TSGA10: variants seen among roughly 807,000 people sequenced by gnomAD.
TSGA10 encodes the protein testis-specific gene 10 protein.
A neutral mutation model predicts 96.6 loss-of-function variants in TSGA10; 43 were observed. That is an observed-to-expected ratio of 0.44 (90% CI 0.35 to 0.57). The LOEUF is 0.57. TSGA10 is among the 20% of genes least tolerant of loss of function. The pLI is 0.01. For synonymous variants in TSGA10, 229 were observed against 269.9 expected (o/e 0.85, Z 1.48); for missense variants, 703 against 834.4 (o/e 0.84, Z 1.94).
At chr2:99,143,590 C>T (rs1332159145) in intron 1 of TSGA10, among the ~76,000 whole-genome samples, 6 of 152,062 alleles carry the variant, frequency 3.9e-5, no homozygotes, top group African/African-American at 1.4e-4. Context: ...CCTGCCTTAG[C>T]CCCTTGAGTA....
chr2:99,075,326 C>T (rs572507247), intron 12 of TSGA10, among the ~76,000 whole-genome samples: 1 of 152,226 alleles, frequency 6.6e-6, no homozygotes, highest in South Asian at 2.1e-4. Flanking sequence ...TGTCAAAATT[C>T]AGTCTGGACA....
intron 2 of TSGA10, among the ~76,000 whole-genome samples, chr2:99,123,015 T>C (rs1374426250): frequency 1.3e-5 from 2 of 152,220 alleles, no homozygotes; most frequent in African/African-American, 4.8e-5. Context: ...TCAAGGATAC[T>C]TTCTCTGGAT....
intron 1 of TSGA10, among the ~76,000 whole-genome samples, chr2:99,153,969 T>G (rs2105171306): frequency 6.6e-6 from 1 of 152,360 alleles, no homozygotes; most frequent in Non-Finnish European, 1.5e-5. Context: ...TCTTTGGGCT[T>G]CTTTCATCAA....
Position 99,109,477 on chromosome 2 carries a change from T to C in TSGA10, c.-38A>G, listed in dbSNP as rs1426310797. ...TTGAGCTTCACTCTTATAGTGATCT[T>C]TGTCTGCTTCCAAAGTCTTGACAAA... On this transcript the variant is annotated 5_prime_UTR_variant, in exon 6 of 21. Coordinates refer to ENST00000393483, the MANE Select transcript of TSGA10 (RefSeq NM_025244.4). 1 of 1,606,892 alleles carries C rather than the reference T, an allele frequency of 6.2e-7. No homozygotes were observed. The highest frequency in any genetic ancestry group is 8.5e-7 in the Non-Finnish European group (1 of 1,175,596).
chr2:99,019,006 G>T (rs570231617), intron 18 of TSGA10, among the ~76,000 whole-genome samples: 1 of 152,176 alleles, frequency 6.6e-6, no homozygotes, highest in South Asian at 2.1e-4. Context: ...ATTAACACCG[G>T]AATTCACTAG....
At chr2:99,071,137 C>A (rs1326732961) in intron 14 of TSGA10, among the ~76,000 whole-genome samples, 1 of 152,002 alleles carries the variant, frequency 6.6e-6, no homozygotes, top group African/African-American at 2.4e-5. Flanking sequence ...GTGGGGAAAA[C>A]CATTTGGTCT....
At chr2:99,118,319 C>T (rs1302090512) in intron 3 of TSGA10, among the ~76,000 whole-genome samples, 4 of 151,358 alleles carry the variant, frequency 2.6e-5, no homozygotes, top group African/African-American at 9.7e-5. Context: ...GGCATGGTGG[C>T]GAGTGCCCGT....
intron 2 of TSGA10, among the ~76,000 whole-genome samples, chr2:99,124,159 C>A (rs2092711185): frequency 1.3e-5 from 2 of 152,212 alleles, no homozygotes; most frequent in South Asian, 2.1e-4. Context: ...TTATAACAAC[C>A]ACCCTAATGG....
At chr2:99,034,643 T>C (rs2081456288) in intron 17 of TSGA10, among the ~76,000 whole-genome samples, 2 of 152,166 alleles carry the variant, frequency 1.3e-5, no homozygotes, top group South Asian at 4.1e-4. Context: ...CTCATTCCTT[T>C]AGAGCTCCTG....
At chr2:99,127,461 T>C (rs751956902) in intron 1 of TSGA10, among the ~76,000 whole-genome samples, 1 of 152,186 alleles carries the variant, frequency 6.6e-6, no homozygotes, top group Non-Finnish European at 1.5e-5. Flanking sequence ...TTAAAGAGTC[T>C]ACCTCTAGGC....
At chr2:99,062,329 T>C (rs894772134) in intron 16 of TSGA10, among the ~76,000 whole-genome samples, 1 of 152,176 alleles carries the variant, frequency 6.6e-6, no homozygotes, top group African/African-American at 2.4e-5. Context: ...GAATTAATTA[T>C]CATAAGCCAT....
chr2:99,074,351 CGTGTGTGT>C (rs147220063), intron 12 of TSGA10, among the ~76,000 whole-genome samples: 6 of 145,038 alleles, frequency 4.1e-5, no homozygotes, highest in Admixed American at 2.1e-4. Flanking sequence ...CACATATTTG[CGTGTGTGT>C]GTGTGTGTGT....
chr2:99,001,379 C>G (rs918325791), intron 20 of TSGA10, among the ~76,000 whole-genome samples: 3 of 152,176 alleles, frequency 2.0e-5, no homozygotes, highest in African/African-American at 7.2e-5. Context: ...AACAGACCTG[C>G]AGCTGAGGGT....
chr2:99,111,147 T>G (rs2091774171), intron 4 of TSGA10, among the ~76,000 whole-genome samples: 1 of 152,148 alleles, frequency 6.6e-6, no homozygotes, highest in African/African-American at 2.4e-5. Context: ...AAATGTTAAT[T>G]GATTGTATTT....
chr2:99,055,765 A>C, intron 16 of TSGA10, among the ~76,000 whole-genome samples: 1 of 151,292 alleles, frequency 6.6e-6, no homozygotes, highest in East Asian at 2.0e-4. Flanking sequence ...TGAGGTGGGA[A>C]GATCTTGAGC....
Position 99,064,951 on chromosome 2 carries a change from T to C in TSGA10, c.1392A>G (p.Arg464=), listed in dbSNP as rs1313213530. The C allele has an allele frequency of 6.3e-7, 1 of 1,591,520 alleles. No homozygotes were observed. ...RLKEKVDSLN[R]EVEQHLNAER... ...TTTCCAAACTTACTTGCTCAACCTC[T>C]CTGTTGAGGGAATCTACTTTTTCTT... is the stretch of plus-strand genomic sequence containing the variant. Residue 464 remains arginine (R), a synonymous_variant, in exon 16 of 21, where the codon AGA becomes AGG. Coordinates refer to ENST00000393483, the MANE Select transcript of TSGA10 (RefSeq NM_025244.4).
chr2:99,104,521 T>G (rs577159283), intron 9 of TSGA10, among the ~76,000 whole-genome samples: 2 of 152,004 alleles, frequency 1.3e-5, no homozygotes, highest in African/African-American at 2.4e-5. Flanking sequence ...ATCGCCCAGG[T>G]TGAAGTGCAG....
intron 1 of TSGA10, among the ~76,000 whole-genome samples, chr2:99,133,881 T>C (rs1376743534): frequency 6.6e-6 from 1 of 152,214 alleles, no homozygotes. Context: ...GGGTTGAAAA[T>C]TCTTTTCTTT....
rs1031666276 is a variant in TSGA10, at chr2:99,154,879, C to T, written c.-807G>A. On this transcript the variant is annotated 5_prime_UTR_variant, in exon 1 of 21. Transcript: ENST00000393483. ...TGCCGGGACCCCACGGCTCCGCAGG[C>T]GGAGAGACTAGGCGCGATCCCTGCG... is the stretch of plus-strand genomic sequence containing the variant. The T allele has an allele frequency of 1.6e-5, 6 of 366,674 alleles. No homozygotes were observed. Among genetic ancestry groups the T allele is most frequent in the African/African-American group, 1.1e-4 (5 of 46,932 alleles). 22.7% of individuals were successfully genotyped at this position (366,674 alleles called of 1,614,324 possible).
Sources: allele counts gnomAD v4.1 joint callset (sites outside exome capture counted in the v4.1 genomes callset), GRCh38; gene constraint gnomAD v4.1.1; transcripts MANE v1.5; gene names NCBI Gene and HGNC (gene_info 2026-07-23, HGNC 2026-07-21).